Variants in METTL24 observed in about 807,000 individuals in gnomAD.
The protein encoded by METTL24 is methyltransferase like 24.
In METTL24, 29 loss-of-function variants were observed where a neutral mutation model predicts 32.7. That is an observed-to-expected ratio of 0.89 (90% CI 0.66 to 1.21). The LOEUF (loss-of-function observed/expected upper bound fraction) is 1.21, where lower values mean the gene tolerates loss of function less well. Ranked by LOEUF, METTL24 falls within the 50% of genes most tolerant of loss-of-function variation. METTL24 has a pLI of 0.00. For missense variants in METTL24, 439 were observed against 468.1 expected, an observed-to-expected ratio of 0.94 and a Z score of 0.57; for synonymous variants, 163 against 179.5, an observed-to-expected ratio of 0.91 and a Z score of 0.73.
At chr6:110,271,848 G>C (rs748142892) in intron 4 of METTL24, among the ~76,000 whole-genome samples, 1 of 152,270 alleles carries the variant, frequency 6.6e-6, no homozygotes, top group South Asian at 2.1e-4. Context: ...AGATTTCATT[G>C]TTTGTGGAGA....
chr6:110,302,628 C>CACACATATGTGTATAT (rs1771551399), intron 3 of METTL24, among the ~76,000 whole-genome samples: 1 of 128,970 alleles, frequency 7.8e-6, no homozygotes, highest in Non-Finnish European at 1.5e-5. Flanking sequence ...TATATATACA[C>CACACATATGTGTATAT]ATATACACAC....
intron 1 of METTL24, among the ~76,000 whole-genome samples, chr6:110,332,925 C>A (rs1379252613): frequency 5.3e-5 from 8 of 150,282 alleles, no homozygotes; most frequent in Non-Finnish European, 1.0e-4. Context: ...AAAAAAAAAG[C>A]AAGTGTGCCT....
At chr6:110,301,213 C>T (rs538809396) in intron 3 of METTL24, among the ~76,000 whole-genome samples, 1 of 152,212 alleles carries the variant, frequency 6.6e-6, no homozygotes, top group African/African-American at 2.4e-5. Context: ...CAAGCACTTC[C>T]ATTTCTTCCA....
intron 4 of METTL24, among the ~76,000 whole-genome samples, chr6:110,260,969 C>T (rs189180486): frequency 6.6e-6 from 1 of 152,106 alleles, no homozygotes; most frequent in Admixed American, 6.6e-5. Flanking sequence ...GAAGGAAGCA[C>T]TAAACATGGA....
At chr6:110,297,727 A>G (rs1219182915) in intron 4 of METTL24, among the ~76,000 whole-genome samples, 1 of 152,232 alleles carries the variant, frequency 6.6e-6, no homozygotes, top group African/African-American at 2.4e-5. Flanking sequence ...CATTAACAGC[A>G]TGTAAAAAGG....
At chr6:110,339,239 A>C (rs1772299879) in intron 1 of METTL24, among the ~76,000 whole-genome samples, 2 of 152,010 alleles carry the variant, frequency 1.3e-5, no homozygotes, top group African/African-American at 2.4e-5. Flanking sequence ...CTATCTGTGC[A>C]CTCCTGCAGC....
intron 3 of METTL24, among the ~76,000 whole-genome samples, chr6:110,301,822 T>A (rs17071418): frequency 0.033 from 5,046 of 152,254 alleles, 274 homozygotes; most frequent in African/African-American, 0.12. Flanking sequence ...CTACAAAGCA[T>A]TTTTTTAGTA....
At chr6:110,349,617 T>C (rs1187395028) in intron 1 of METTL24, among the ~76,000 whole-genome samples, 3 of 152,202 alleles carry the variant, frequency 2.0e-5, no homozygotes, top group Non-Finnish European at 4.4e-5. Flanking sequence ...AGTTAGCAGA[T>C]TGGTGTAATT....
intron 1 of METTL24, among the ~76,000 whole-genome samples, chr6:110,330,433 T>C (rs1337527570): frequency 6.6e-6 from 1 of 152,166 alleles, no homozygotes; most frequent in African/African-American, 2.4e-5. Flanking sequence ...TGGTCATAGA[T>C]TCAAAAACCG....
intron 1 of METTL24, among the ~76,000 whole-genome samples, chr6:110,354,765 A>G (rs2114783487): frequency 6.6e-6 from 1 of 152,308 alleles, no homozygotes; most frequent in Non-Finnish European, 1.5e-5. Flanking sequence ...TTTAAGGAAT[A>G]TTTTAATTCA....
chr6:110,318,643 C>A (rs1771871342), intron 2 of METTL24, among the ~76,000 whole-genome samples: 2 of 121,704 alleles, frequency 1.6e-5, no homozygotes, highest in African/African-American at 3.5e-5. Context: ...CAGAGCAAGA[C>A]TCTACCTCAA....
intron 4 of METTL24, among the ~76,000 whole-genome samples, chr6:110,296,317 A>G (rs1483523315): frequency 6.6e-6 from 1 of 152,224 alleles, no homozygotes; most frequent in Non-Finnish European, 1.5e-5. Flanking sequence ...TTCTAGTTGC[A>G]TTCTGAAAAA....
At chr6:110,341,310 G>T (rs1010626001) in intron 1 of METTL24, among the ~76,000 whole-genome samples, 1 of 152,086 alleles carries the variant, frequency 6.6e-6, no homozygotes, top group Admixed American at 6.5e-5. Context: ...CCAGGCATTT[G>T]GATTTTCCAA....
intron 4 of METTL24, among the ~76,000 whole-genome samples, chr6:110,290,942 A>G (rs544761008): frequency 1.0e-3 from 156 of 152,104 alleles, no homozygotes; most frequent in Admixed American, 2.1e-3. Flanking sequence ...TTTAATTTTC[A>G]TTACCCTAAT....
intron 4 of METTL24, among the ~76,000 whole-genome samples, chr6:110,257,538 G>A (rs954021802): frequency 5.9e-5 from 9 of 152,196 alleles, no homozygotes; most frequent in African/African-American, 2.2e-4. Flanking sequence ...CTACTGGACT[G>A]TGCCACTCAG....
intron 3 of METTL24, among the ~76,000 whole-genome samples, chr6:110,299,955 A>G (rs1011019034): frequency 6.6e-6 from 1 of 152,098 alleles, no homozygotes; most frequent in Non-Finnish European, 1.5e-5. Context: ...CTGCCCCAAT[A>G]CTGTACTCAT....
chr6:110,262,832 C>T (rs1347300442), intron 4 of METTL24, among the ~76,000 whole-genome samples: 5 of 152,090 alleles, frequency 3.3e-5, no homozygotes, highest in East Asian at 1.9e-4. Flanking sequence ...AATCAATAAA[C>T]GTAATCCAGC....
intron 3 of METTL24, among the ~76,000 whole-genome samples, chr6:110,309,848 T>C (rs1771687044): frequency 1.3e-5 from 2 of 149,356 alleles, no homozygotes; most frequent in African/African-American, 5.1e-5. Context: ...AGGGGTAAAA[T>C]GTATTCTTAG....
intron 1 of METTL24, among the ~76,000 whole-genome samples, chr6:110,330,358 C>T (rs1394749300): frequency 6.6e-6 from 1 of 152,186 alleles, no homozygotes; most frequent in East Asian, 1.9e-4. Flanking sequence ...GCCTTGGACT[C>T]AGGCACAGTC....
Sources: gnomAD v4.1 joint callset for allele counts (sites outside exome capture counted in the v4.1 genomes callset) on GRCh38, gnomAD v4.1.1 for gene constraint, MANE v1.5 for transcripts, NCBI Gene and HGNC (gene_info 2026-07-23, HGNC 2026-07-21) for gene names.